Variants in TNKS1BP1 observed in about 807,000 individuals in gnomAD.
The protein encoded by TNKS1BP1 is CCR4-NOT transcription complex subunit 12.
TNKS1BP1 carries 48 observed loss-of-function variants against 141.1 expected under a neutral mutation model. The ratio of observed to expected loss-of-function variants is 0.34; its 90% confidence interval spans 0.27 to 0.43. The LOEUF is 0.43. Ranked by LOEUF, TNKS1BP1 falls within the 20% of genes least tolerant of loss-of-function variation. The pLI is 1.00. For missense variants in TNKS1BP1, 2,149 were observed against 2,226.0 expected, an observed-to-expected ratio of 0.97 and a Z score of 0.70; for synonymous variants, 875 against 898.2, an observed-to-expected ratio of 0.97 and a Z score of 0.46.
intron 6 of TNKS1BP1, among the ~76,000 whole-genome samples, chr11:57,306,076 A>G (rs1357587726): frequency 1.3e-5 from 2 of 152,090 alleles, no homozygotes; most frequent in African/African-American, 2.4e-5. Context: ...TCTGGAGTTC[A>G]AGACCAGCCT....
intron 6 of TNKS1BP1, among the ~76,000 whole-genome samples, chr11:57,307,760 T>C (rs543159049): frequency 2.0e-5 from 3 of 152,330 alleles, no homozygotes; most frequent in South Asian, 2.1e-4. Context: ...TTTTAAAACA[T>C]CCATGAAACA....
chr11:57,304,790 T>G (rs1855581782), intron 6 of TNKS1BP1, among the ~76,000 whole-genome samples: 1 of 142,248 alleles, frequency 7.0e-6, no homozygotes, highest in Non-Finnish European at 1.5e-5. Context: ...GAGAATCGCT[T>G]GAACCCGGGT....
intron 5 of TNKS1BP1, chr11:57,311,372 GC>G (rs1461418019): frequency 1.0e-5 from 10 of 985,650 alleles, no homozygotes; most frequent in Non-Finnish European, 1.2e-5. Context: ...ATGGCCCCCC[GC>G]CCCCAACCCG....
intron 3 of TNKS1BP1, 97 bp downstream of exon 3, chr11:57,319,982 C>CCTA (rs760890745): frequency 6.6e-6 from 10 of 1,520,464 alleles, no homozygotes; most frequent in Non-Finnish European, 8.9e-6. Flanking sequence ...AAGTCACAAC[C>CCTA]CTATATGGGG....
chr11:57,317,682 C>T (rs1855818863), intron 4 of TNKS1BP1, 136 bp downstream of exon 4: 2 of 949,546 alleles, frequency 2.1e-6, no homozygotes, highest in Non-Finnish European at 3.2e-6. Flanking sequence ...ATCCCAGGGC[C>T]AGCCCTCCAG....
Position 57,301,930 on chromosome 11 carries a change from A to C in TNKS1BP1, c.4848T>G (p.Ser1616=), listed in dbSNP as rs1463816091. ...LFQDSTEPRA[S]RVPSSDEEVV... is the part of the protein sequence containing the mutation. ...CCTCTTCATCTGAAGATGGCACCCG[A>C]GATGCCCGTGGCTCTGCAAAGGCCC... The change falls in exon 9 of 12, where the codon TCT becomes TCG. Residue 1616 remains serine, a synonymous_variant. Transcript: ENST00000358252. 1 of 1,613,772 alleles carries C rather than the reference A, an allele frequency of 6.2e-7. No individual in the cohort carries two copies. The highest frequency in any genetic ancestry group is 8.5e-7 in the Non-Finnish European group (1 of 1,179,906).
chr11:57,312,725 G>A lies in TNKS1BP1; in HGVS notation c.1963C>T (p.Arg655Trp), dbSNP rs143494310. 1.9e-5 allele frequency: 30 copies of A among 1,578,882 alleles called. No homozygotes were observed. In the Admixed American group the frequency reaches 2.1e-4, roughly 11 times the overall value. ...PVEEEAVTLA[R>W]AETTQARTEA... is the part of the protein sequence containing the mutation. Reference sequence around the variant, plus strand: ...GTCCTGGCTTGGGTGGTCTCAGCCCGGGCTAGGGTCACGGCCTCCTCCTCA... The same window carrying A: ...GTCCTGGCTTGGGTGGTCTCAGCCCAGGCTAGGGTCACGGCCTCCTCCTCA... Residue 655 changes from arginine (R) to tryptophan (W), a missense_variant, in exon 5 of 12, where the codon CGG (arginine) becomes TGG (tryptophan). Coordinates refer to ENST00000358252, the MANE Select transcript of TNKS1BP1 (RefSeq NM_033396.3).
chr11:57,302,355 G>T lies in TNKS1BP1; in HGVS notation c.4683+104C>A, dbSNP rs971484580. 2 of 1,538,148 alleles carry T rather than the reference G, an allele frequency of 1.3e-6. No homozygotes were observed. ...CGTTCACGTGACGCACCTACAACCCGCTTTCTGCCTCCTGGACTGGGACTG... is the reference window on the plus strand; with the variant it reads ...CGTTCACGTGACGCACCTACAACCCTCTTTCTGCCTCCTGGACTGGGACTG... On this transcript the variant is annotated intron_variant, in intron 7 of 11. Transcript: ENST00000358252. This position sits in a 1 kb window ranked among gnomAD's most constrained non-coding sequence, Gnocchi z 5.5.
At chr11:57,311,290 T>C in intron 5 of TNKS1BP1, 1 of 985,880 alleles carries the variant, frequency 1.0e-6, no homozygotes, top group Non-Finnish European at 1.2e-6. Context: ...GCCAGCCTCA[T>C]CCCTCAGCGC....
chr11:57,306,920 T>TGGGGGGGGGGGGGGGG (rs1565039405), intron 6 of TNKS1BP1, among the ~76,000 whole-genome samples: 1 of 31,040 alleles, frequency 3.2e-5, no homozygotes. Flanking sequence ...GGGGGTTGGG[T>TGGGGGGGGGGGGGGGG]GGGAGGGGGG....
intron 6 of TNKS1BP1, among the ~76,000 whole-genome samples, chr11:57,304,161 G>C (rs986609898): frequency 3.3e-5 from 5 of 152,080 alleles, no homozygotes; most frequent in African/African-American, 1.2e-4. Context: ...ACTACGCACA[G>C]AGGTGTGGGA....
chr11:57,302,836 G>C lies in TNKS1BP1; in HGVS notation c.4317-11C>G. ...GGGCACCTGCCAGGGCTGTAAAGGG[G>C]ACAGAGAGAGAACGAGATCATCGTA... On this transcript the variant is annotated splice_polypyrimidine_tract_variant and intron_variant, in intron 6 of 11. Coordinates refer to ENST00000358252, the MANE Select transcript of TNKS1BP1 (RefSeq NM_033396.3). This position sits in a 1 kb window ranked among gnomAD's most constrained non-coding sequence, Gnocchi z 5.5. 2 of 1,508,482 alleles carry C rather than the reference G, an allele frequency of 1.3e-6. No homozygotes were observed. The highest frequency in any genetic ancestry group is 2.6e-5 in the South Asian group (2 of 78,320). The allele number at this position is 1,508,482 out of a possible 1,614,324, so 93.4% of individuals were successfully genotyped here.
rs771752533 is a variant in TNKS1BP1 at position 57,300,626 on chromosome 11, G to A, written c.5130-26C>T. The A allele has an allele frequency of 3.1e-6, 5 of 1,614,058 alleles. No individual in the cohort carries two copies. In the Admixed American group the frequency reaches 6.7e-5, roughly 22 times the overall value. On this transcript the variant is annotated intron_variant, in intron 10 of 11. Transcript: ENST00000358252. ...CTAGGAGGCAGACGGCAAAGGTCCA[G>A]AATGCAAACTTTGAGGAAACTGAAC... is the stretch of plus-strand genomic sequence containing the variant.
chr11:57,312,856 G>T lies in TNKS1BP1; in HGVS notation c.1832C>A (p.Ala611Asp), dbSNP rs867196881. The T allele has an allele frequency of 6.2e-7, 1 of 1,609,744 alleles. No individual in the cohort carries two copies. ...CAGGACTGGCTCCAGGATGGGCAAG[G>T]CTGCCTCCCTGGTAGCCAGGGGGAG... ...SPLPLATREA[A>D]LPILEPVLGQ... The change falls in exon 5 of 12, where the codon GCC (alanine) becomes GAC (aspartate). Residue 611 changes from alanine (A) to aspartate (D), a missense_variant. Transcript: ENST00000358252.
chr11:57,312,842 C>T lies in TNKS1BP1; in HGVS notation c.1846G>A (p.Glu616Lys), dbSNP rs760806818. The stretch of plus-strand genomic sequence containing the variant: ...GGCTGCTCCTGCCCCAGGACTGGCT[C>T]CAGGATGGGCAAGGCTGCCTCCCTG... ...ATREAALPIL[E>K]PVLGQEQPAA... The change falls in exon 5 of 12, where the codon GAG becomes AAG. Residue 616 changes from glutamate (E) to lysine (K), a missense_variant. Coordinates refer to ENST00000358252, the MANE Select transcript of TNKS1BP1 (RefSeq NM_033396.3). 9.9e-6 allele frequency: 16 copies of T among 1,611,204 alleles called. No individual in the cohort carries two copies. In the African/African-American group the frequency reaches 2.0e-4, roughly 20 times the overall value.
At position 57,320,272 on chromosome 11, in the gene TNKS1BP1, G is replaced by T. The variant is rs772727325; in HGVS notation, c.535C>A (p.Pro179Thr). ...EQPRKEVLAS[P>T]DRLWGSRLTF... is the part of the protein sequence containing the mutation. ...AGGCGGGAACCCCACAGGCGGTCGG[G>T]GCTGGCAAGGACCTCCTTCCGAGGC... is the stretch of plus-strand genomic sequence containing the variant. Residue 179 changes from proline (P) to threonine (T), a missense_variant, in exon 3 of 12, where the codon CCC becomes ACC. Coordinates refer to ENST00000358252, the MANE Select transcript of TNKS1BP1 (RefSeq NM_033396.3). 14 of 1,614,048 alleles carry T rather than the reference G, an allele frequency of 8.7e-6. No individual in the cohort carries two copies. The highest frequency in any genetic ancestry group is 1.2e-5 in the Non-Finnish European group (14 of 1,180,050).
In TNKS1BP1 at chr11:57,300,982, C is replaced by T. The variant is rs1269864062; in HGVS notation, c.5031G>A (p.Ser1677=). The T allele has an allele frequency of 3.7e-6, 6 of 1,614,112 alleles. No individual in the cohort carries two copies. Among genetic ancestry groups the T allele is most frequent in the Admixed American group, 1.7e-5 (1 of 59,994 alleles). ...GCTGGACCGCGGACTCCTTCTGGCT[C>T]GACTTGCTCTCAGCCAGCTCTCCCT... ...AEEGELAESK[S]SQKESAVQRS... Residue 1677 remains serine, a synonymous_variant, in exon 10 of 12, where the codon TCG becomes TCA. Coordinates refer to ENST00000358252, the MANE Select transcript of TNKS1BP1 (RefSeq NM_033396.3).
chr11:57,301,262 T>A (rs1855520463), intron 9 of TNKS1BP1, among the ~76,000 whole-genome samples: 1 of 152,132 alleles, frequency 6.6e-6, no homozygotes, highest in Non-Finnish European at 1.5e-5. Flanking sequence ...TATGGCAGGA[T>A]TGAATTCAGA....
At chr11:57,313,970 C>A in intron 4 of TNKS1BP1, 81 bp from the exon 5 acceptor site, 1 of 1,348,902 alleles carries the variant, frequency 7.4e-7, no homozygotes, top group East Asian at 2.9e-5. Flanking sequence ...CACACAGACC[C>A]CAGGTCAGCT....
Sources: allele counts gnomAD v4.1 joint callset (sites outside exome capture counted in the v4.1 genomes callset), GRCh38; gene constraint gnomAD v4.1.1; non-coding constraint Gnocchi (gnomAD v3.1); transcripts MANE v1.5; gene names NCBI Gene and HGNC (gene_info 2026-07-23, HGNC 2026-07-21).